NAGK: variants seen among roughly 807,000 people sequenced by gnomAD.
The protein encoded by NAGK is N-acetylglucosamine kinase.
A neutral mutation model predicts 42.9 loss-of-function variants in NAGK; 35 were observed. That is an observed-to-expected ratio of 0.82 (90% CI 0.62 to 1.08). The LOEUF (loss-of-function observed/expected upper bound fraction) is 1.08, where lower values mean the gene tolerates loss of function less well. NAGK is among the 50% of genes least tolerant of loss of function. The pLI is 0.00. For synonymous variants in NAGK, 172 were observed against 176.0 expected (o/e 0.98, Z 0.18); for missense variants, 446 against 446.0 (o/e 1.00, Z 0.00).
upstream of NAGK, chr2:71,068,512 C>G (rs2103684958): frequency 6.9e-7 from 1 of 1,439,492 alleles, no homozygotes; most frequent in Non-Finnish European, 9.1e-7. Flanking sequence ...GGGACGCAGC[C>G]ATCCCCGGCT....
intron 7 of NAGK, chr2:71,075,985 T>C: frequency 3.1e-6 from 1 of 318,418 alleles, no homozygotes; most frequent in Non-Finnish European, 5.9e-6. Flanking sequence ...ACTAGGGGAT[T>C]ATAGAGAGGT....
At position 71,076,699 on chromosome 2, in the gene NAGK, C is replaced by T; in HGVS notation, c.763C>T (p.Pro255Ser). The change falls in exon 8 of 10, where the codon CCG (proline) becomes TCG (serine). Residue 255 changes from proline to serine, a missense_variant and splice_region_variant. Coordinates refer to ENST00000244204, the MANE Select transcript of NAGK (RefSeq NM_017567.6). ...HIVAVLPEIDPVLFQGKIGLP... is the reference protein window; with the variant it reads ...HIVAVLPEIDSVLFQGKIGLP... Reference sequence around the variant, plus strand: ...CGTAGCAGTGTTGCCCGAGATTGACCCGGTGAGTTGAGGTGGGAGTGAAGG... The same window carrying T: ...CGTAGCAGTGTTGCCCGAGATTGACTCGGTGAGTTGAGGTGGGAGTGAAGG... 6.2e-7 allele frequency: 1 copy of T among 1,613,040 alleles called. No individual in the cohort carries two copies. Among genetic ancestry groups the T allele is most frequent in the Non-Finnish European group, 8.5e-7 (1 of 1,179,272 alleles).
rs537907123 is a variant in NAGK at position 71,077,417 on chromosome 2, T to C, written c.766-141T>C. ...TCTCCTATTTTCCTCCCTTTTTTTT[T>C]CCCCTTTCCTGAGTCTGTCTACTGT... On this transcript the variant is annotated intron_variant, in intron 8 of 9. Transcript: ENST00000244204. 391 of 731,762 alleles carry C rather than the reference T, an allele frequency of 5.3e-4. No homozygotes were observed. In the African/African-American group the frequency reaches 5.7e-3, roughly 11 times the overall value. 45.3% of individuals were successfully genotyped at this position (731,762 alleles called of 1,614,324 possible). A position where few individuals can be genotyped will look rare whatever the true frequency, so the allele number is the denominator to read the frequency against.
At position 71,072,646 on chromosome 2, in the gene NAGK, G is replaced by A. The variant is rs759267718; in HGVS notation, c.361G>A (p.Val121Ile). Reference sequence around the variant, plus strand: ...CTCCTATTCCCTTTCCCCAGGTGGAGTTGTGCTCATATCTGGAACAGGCTC... The same window carrying A: ...CTCCTATTCCCTTTCCCCAGGTGGAATTGTGCTCATATCTGGAACAGGCTC... ...SIATATPDGG[V>I]VLISGTGSNC... The change falls in exon 5 of 10, where the codon GTT becomes ATT. Residue 121 changes from valine to isoleucine, a missense_variant. Coordinates refer to ENST00000244204, the MANE Select transcript of NAGK (RefSeq NM_017567.6). The A allele has an allele frequency of 4.1e-5, 66 of 1,613,674 alleles. No individual in the cohort carries two copies. The South Asian group carries it at 7.1e-4, about 17-fold the overall frequency.
Position 71,071,701 on chromosome 2 carries a change from G to T in NAGK, c.229G>T (p.Gly77Cys). 2 of 1,613,596 alleles carry T rather than the reference G, an allele frequency of 1.2e-6. No individual in the cohort carries two copies. Among genetic ancestry groups the T allele is most frequent in the Non-Finnish European group, 1.7e-6 (2 of 1,179,894 alleles). The change falls in exon 4 of 10, where the codon GGT becomes TGT. Residue 77 changes from glycine (G) to cysteine (C), a missense_variant. Coordinates refer to ENST00000244204, the MANE Select transcript of NAGK (RefSeq NM_017567.6). ...CGTGGCCTAGGGCCTATCTCTGAGC[G>T]GTGGGGACCAGGAGGACGCGGGGAG... ...PLRSLGLSLS[G>C]GDQEDAGRIL...
rs188495529 is a variant in NAGK at position 71,071,891 on chromosome 2, A to T, written c.355+64A>T. The T allele has an allele frequency of 1.4e-4, 227 of 1,583,362 alleles. 1 individual carries two copies. The Admixed American group carries it at 3.8e-3, about 27-fold the overall frequency. On this transcript the variant is annotated intron_variant, in intron 4 of 9. Coordinates refer to ENST00000244204, the MANE Select transcript of NAGK (RefSeq NM_017567.6). ...TTTTTTGGGAAAGCCCCTTAGATAT[A>T]GCTGACAAAACTTGTTCTGCAAATA... is the stretch of plus-strand genomic sequence containing the variant.
intron 7 of NAGK, 184 bp from the exon 8 acceptor site, chr2:71,076,420 A>G: frequency 1.8e-6 from 1 of 548,250 alleles, no homozygotes; most frequent in South Asian, 2.0e-5. Context: ...AGAGGGAGGT[A>G]GCTGGTATGT....
chr2:71,072,717 C>A lies in NAGK; in HGVS notation c.432C>A (p.Gly144=). Residue 144 remains glycine, a synonymous_variant, in exon 5 of 10, where the codon GGC becomes GGA. Coordinates refer to ENST00000244204, the MANE Select transcript of NAGK (RefSeq NM_017567.6). The part of the protein sequence containing the change: ...INPDGSESGC[G]GWGHMMGDEG... ...CTGATGGCTCCGAGAGTGGCTGCGG[C>A]GGCTGGGGCCATATGATGGGTGATG... The A allele has an allele frequency of 6.2e-7, 1 of 1,613,954 alleles. No homozygotes were observed. Among genetic ancestry groups the A allele is most frequent in the Non-Finnish European group, 8.5e-7 (1 of 1,179,926 alleles).
chr2:71,068,817 G>A, intron 1 of NAGK, 105 bp downstream of exon 1: 16 of 1,409,644 alleles, frequency 1.1e-5, no homozygotes, highest in Non-Finnish European at 1.5e-5. Context: ...GGGCACTTTG[G>A]GCGGCGGGAC....
chr2:71,068,547 T>TGCGCAC (rs776611474), upstream of NAGK: 1,986 of 1,476,956 alleles, frequency 1.3e-3, no homozygotes, highest in Non-Finnish European at 1.6e-3. Flanking sequence ...GCCCCGCGCA[T>TGCGCAC]GCGCACGCGC....
Position 71,073,585 on chromosome 2 carries a change from C to T in NAGK, c.570C>T (p.His190=), listed in dbSNP as rs911885773. The T allele has an allele frequency of 2.5e-6, 4 of 1,612,638 alleles. No homozygotes were observed. Among genetic ancestry groups the T allele is most frequent in the African/African-American group, 2.7e-5 (2 of 74,890 alleles). ...DIGYVKQAMF[H]YFQVPDRLGI... ...GCTACGTCAAACAGGCCATGTTCCA[C>T]TATTTCCAGGTACTCCTCCTGCTCC... Residue 190 remains histidine, a synonymous_variant, in exon 6 of 10, where the codon CAC becomes CAT. Coordinates refer to ENST00000244204, the MANE Select transcript of NAGK (RefSeq NM_017567.6).
intron 5 of NAGK, 193 bp downstream of exon 5, chr2:71,072,944 C>T: frequency 1.5e-6 from 1 of 649,720 alleles, no homozygotes; most frequent in Non-Finnish European, 2.8e-6. Flanking sequence ...GCTGACCCTG[C>T]TCTCCAGCAG....
At chr2:71,072,225 G>A (rs766281029) in intron 4 of NAGK, 6 of 260,890 alleles carry the variant, frequency 2.3e-5, no homozygotes, top group Non-Finnish European at 3.7e-5. Context: ...CCATGTTGGC[G>A]AAGTTCCAAA....
chr2:71,068,515 C>G (rs1387644521), upstream of NAGK: 2 of 1,446,930 alleles, frequency 1.4e-6, no homozygotes, highest in African/African-American at 1.5e-5. Context: ...ACGCAGCCAT[C>G]CCCGGCTCCT....
intron 3 of NAGK, chr2:71,071,259 A>G (rs1671991760): frequency 3.7e-6 from 1 of 267,034 alleles, no homozygotes; most frequent in Non-Finnish European, 7.3e-6. Context: ...AATGTTAGCT[A>G]TTATTTACTC....
At position 71,070,827 on chromosome 2, in the gene NAGK, G is replaced by T. The variant is rs769393114; in HGVS notation, c.201G>T (p.Pro67=). 6.2e-6 allele frequency: 10 copies of T among 1,614,036 alleles called. No individual in the cohort carries two copies. The East Asian group carries it at 1.1e-4, about 18-fold the overall frequency. Reference sequence around the variant, plus strand: ...AAGCAGGGGTGGATCCTCTGGTACCGCTGCGAAGCTTGGTGAGTCTGGGGC... The same window carrying T: ...AAGCAGGGGTGGATCCTCTGGTACCTCTGCGAAGCTTGGTGAGTCTGGGGC... The part of the protein sequence containing the change: ...KRKAGVDPLV[P]LRSLGLSLSG... Residue 67 remains proline, a synonymous_variant, in exon 3 of 10, where the codon CCG becomes CCT. Coordinates refer to ENST00000244204, the MANE Select transcript of NAGK (RefSeq NM_017567.6).
intron 1 of NAGK, chr2:71,068,920 C>T (rs1422106385): frequency 2.3e-6 from 3 of 1,294,392 alleles, no homozygotes; most frequent in African/African-American, 1.5e-5. Context: ...CAGCCACACC[C>T]CGGGTTGGGG....
chr2:71,074,517 T>TA (rs1672140803), intron 6 of NAGK: 1 of 152,300 alleles, frequency 6.6e-6, no homozygotes, highest in African/African-American at 2.4e-5. Flanking sequence ...TAGTCATTCT[T>TA]ACAGGGTTGT....
At position 71,078,576 on chromosome 2, in the gene NAGK, G is replaced by C. The variant is rs1391792083; in HGVS notation, c.*68G>C. On this transcript the variant is annotated 3_prime_UTR_variant, in exon 10 of 10. Transcript: ENST00000244204. ...TGGGTCTGAAAGGAAGGAGTCTTTTGCTTCCTTTCTCCTTTTTACAAAAAC... is the reference window on the plus strand; with the variant it reads ...TGGGTCTGAAAGGAAGGAGTCTTTTCCTTCCTTTCTCCTTTTTACAAAAAC... 322 of 1,421,442 alleles carry C rather than the reference G, an allele frequency of 2.3e-4. No individual in the cohort carries two copies. Among genetic ancestry groups the C allele is most frequent in the Non-Finnish European group, 2.8e-4 (296 of 1,072,342 alleles). The allele number at this position is 1,421,442 out of a possible 1,614,324, so 88.1% of individuals were successfully genotyped here.
Sources: gnomAD v4.1 joint callset for allele counts on GRCh38, gnomAD v4.1.1 for gene constraint, MANE v1.5 for transcripts, NCBI Gene and HGNC (gene_info 2026-07-23, HGNC 2026-07-21) for gene names.